Variants in ZDHHC5 observed in about 807,000 individuals in gnomAD.
ZDHHC5 encodes the protein zDHHC palmitoyltransferase 5, also known as palmitoyltransferase ZDHHC5.
ZDHHC5 carries 22 observed loss-of-function variants against 70.0 expected under a neutral mutation model. The observed-to-expected ratio is 0.31, with a 90% CI of 0.22 to 0.45. The LOEUF is 0.45. Among genes scored for constraint, ZDHHC5 ranks in the 20% least tolerant of loss-of-function variants. ZDHHC5 has a pLI of 1.00. For missense variants in ZDHHC5, 746 were observed against 926.9 expected, an observed-to-expected ratio of 0.80 and a Z score of 2.53; for synonymous variants, 313 against 347.8, an observed-to-expected ratio of 0.90 and a Z score of 1.11.
chr11:57,694,566 T>C lies in ZDHHC5; in HGVS notation c.885+651T>C, dbSNP rs545717255. ...CAGTAGAGGCAGGGTTTTCCTATGT[T>C]GGCTAGGCTGGTCTCAAACTCCTGA... On this transcript the variant is annotated intron_variant, in intron 8 of 11. Coordinates refer to ENST00000287169, the MANE Select transcript of ZDHHC5 (RefSeq NM_015457.3). Among the ~76,000 whole-genome samples the C allele has an allele frequency of 9.1e-4, 139 of 152,254 alleles. No individual in the cohort carries two copies. The Middle Eastern group carries it at 0.037, about 41-fold the overall frequency.
intron 3 of ZDHHC5, 140 bp from the exon 4 acceptor site, chr11:57,688,368 T>G: frequency 9.9e-7 from 1 of 1,007,586 alleles, no homozygotes; most frequent in Non-Finnish European, 1.3e-6. Flanking sequence ...CCTCACAGTC[T>G]TATAGTTCCT....
At chr11:57,689,717 A>G (rs1253322892) in intron 4 of ZDHHC5, among the ~76,000 whole-genome samples, 8 of 134,660 alleles carry the variant, frequency 5.9e-5, no homozygotes, top group Non-Finnish European at 9.3e-5. Context: ...GGGTCTTGCT[A>G]TGTTGCCCAG....
chr11:57,669,713 C>T (rs1010914978), intron 1 of ZDHHC5, among the ~76,000 whole-genome samples: 7 of 152,240 alleles, frequency 4.6e-5, no homozygotes, highest in African/African-American at 1.2e-4. Flanking sequence ...CCCGCCTCGG[C>T]CTCCCAAAGT....
chr11:57,690,148 C>T lies in ZDHHC5; in HGVS notation c.502C>T (p.Leu168Phe). 6.2e-7 allele frequency: 1 copy of T among 1,614,098 alleles called. No homozygotes were observed. The highest frequency in any genetic ancestry group is 1.7e-5 in the Admixed American group (1 of 59,984). ...AHIMGVFGFGLLYVLYHIEEL... is the reference protein window; with the variant it reads ...AHIMGVFGFGFLYVLYHIEEL... ...CATTATGGGTGTGTTTGGCTTTGGCCTCCTTTATGTCCTCTACCACATAGA... is the reference window on the plus strand; with the variant it reads ...CATTATGGGTGTGTTTGGCTTTGGCTTCCTTTATGTCCTCTACCACATAGA... The change falls in exon 5 of 12, where the codon CTC (leucine) becomes TTC (phenylalanine). Residue 168 changes from leucine to phenylalanine, a missense_variant. Around this residue, in one of 6 missense-constraint regions of ZDHHC5, gnomAD observed 114 missense variants for 179.3 expected, o/e 0.64. Transcript: ENST00000287169.
intron 4 of ZDHHC5, among the ~76,000 whole-genome samples, chr11:57,689,261 CTCTTT>C (rs954051183): frequency 6.6e-4 from 100 of 152,276 alleles, no homozygotes; most frequent in African/African-American, 2.1e-3. Context: ...CCTTCTAATC[CTCTTT>C]TCTTATGAAT....
rs1409252936 is a variant in ZDHHC5, at chr11:57,698,699, A to G, written c.1263A>G (p.Leu421=). 5 of 1,613,976 alleles carry G rather than the reference A, an allele frequency of 3.1e-6. No individual in the cohort carries two copies. The African/African-American group carries it at 4.0e-5, about 13-fold the overall frequency. The change falls in exon 11 of 12, where the codon CTA becomes CTG. Residue 421 remains leucine (L), a synonymous_variant. Coordinates refer to ENST00000287169, the MANE Select transcript of ZDHHC5 (RefSeq NM_015457.3). The stretch of plus-strand genomic sequence containing the variant: ...GCAAAAGTTTTCACTTCGATCCACT[A>G]TCCAGTGGCTCACGCTCCTCCAGCC... ...TFGKSFHFDP[L]SSGSRSSSLK...
At chr11:57,690,487 T>C (rs750694686) in intron 6 of ZDHHC5, 50 bp downstream of exon 6, 2 of 1,585,896 alleles carry the variant, frequency 1.3e-6, no homozygotes, top group Non-Finnish European at 1.7e-6. Context: ...CATGTCTCTT[T>C]AGCCTTCTGA....
chr11:57,684,688 T>C (rs183025879), intron 3 of ZDHHC5, among the ~76,000 whole-genome samples: 67 of 152,284 alleles, frequency 4.4e-4, no homozygotes, highest in Middle Eastern at 3.4e-3. Context: ...CTTTCTGGAA[T>C]AGGAGGGGAG....
chr11:57,671,567 C>CA (rs756363151), intron 1 of ZDHHC5, among the ~76,000 whole-genome samples: 1 of 152,320 alleles, frequency 6.6e-6, no homozygotes, highest in East Asian at 1.9e-4. Context: ...GCAAAAGAAA[C>CA]ACACAGAGAA....
Position 57,693,956 on chromosome 11 carries a change from C to G in ZDHHC5, c.885+41C>G, listed in dbSNP as rs184448965. 70 of 1,570,606 alleles carry G rather than the reference C, an allele frequency of 4.5e-5. No individual in the cohort carries two copies. In the East Asian group the frequency reaches 1.4e-3, roughly 32 times the overall value. On this transcript the variant is annotated intron_variant, in intron 8 of 11. Coordinates refer to ENST00000287169, the MANE Select transcript of ZDHHC5 (RefSeq NM_015457.3). ...AAGTCAAGCTAGATAACATGGAAGT[C>G]TCACCCAAGGCAAAGAGACGGAAGC...
chr11:57,675,822 T>G (rs533244823), intron 2 of ZDHHC5, among the ~76,000 whole-genome samples: 8 of 152,360 alleles, frequency 5.3e-5, no homozygotes, highest in Admixed American at 2.0e-4. Context: ...TCCTCTCATG[T>G]ATTTTACCTC....
chr11:57,696,232 A>T (rs1419856107), intron 9 of ZDHHC5, among the ~76,000 whole-genome samples, 189 bp downstream of exon 9: 1 of 152,228 alleles, frequency 6.6e-6, no homozygotes, highest in Non-Finnish European at 1.5e-5. Flanking sequence ...TTGGCAGTGA[A>T]TGGGACTTTT....
In ZDHHC5 at chr11:57,672,895, C is replaced by T. The variant is rs941095098; in HGVS notation, c.-196C>T. 3 of 539,204 alleles carry T rather than the reference C, an allele frequency of 5.6e-6. No homozygotes were observed. The highest frequency in any genetic ancestry group is 6.4e-5 in the East Asian group (2 of 31,138). The allele number at this position is 539,204 out of a possible 1,614,324, so 33.4% of individuals were successfully genotyped here. ...TCATTTGGAATCACCTTTCCCCCTC[C>T]CATGTGCTTTCCTTCATTTGAGATC... On this transcript the variant is annotated 5_prime_UTR_variant, in exon 2 of 12. Coordinates refer to ENST00000287169, the MANE Select transcript of ZDHHC5 (RefSeq NM_015457.3).
intron 4 of ZDHHC5, among the ~76,000 whole-genome samples, chr11:57,689,400 C>T (rs369538909): frequency 5.3e-5 from 8 of 151,764 alleles, no homozygotes; most frequent in East Asian, 3.9e-4. Flanking sequence ...TTTATCGAGA[C>T]GGAGTCTCGC....
At chr11:57,698,450 T>C (rs1946385429) in intron 10 of ZDHHC5, 109 bp from the exon 11 acceptor site, 1 of 1,433,662 alleles carries the variant, frequency 7.0e-7, no homozygotes, top group African/African-American at 1.4e-5. Flanking sequence ...GTAAGAGTTC[T>C]AAGCTTATTA....
chr11:57,689,306 C>T (rs927724537), intron 4 of ZDHHC5, among the ~76,000 whole-genome samples: 2 of 152,100 alleles, frequency 1.3e-5, no homozygotes, highest in Non-Finnish European at 1.5e-5. Context: ...CTCTGACATT[C>T]GTCACTTTTA....
At chr11:57,690,477 C>A in intron 6 of ZDHHC5, 40 bp downstream of exon 6, 1 of 1,599,720 alleles carries the variant, frequency 6.3e-7, no homozygotes, top group South Asian at 1.1e-5. Context: ...AAGAGCAGGT[C>A]ATGTCTCTTT....
At chr11:57,674,196 A>G (rs1455483571) in intron 2 of ZDHHC5, among the ~76,000 whole-genome samples, 1 of 152,158 alleles carries the variant, frequency 6.6e-6, no homozygotes, top group Admixed American at 6.5e-5. Context: ...AGCAGTTGGT[A>G]TGAAAAAATT....
intron 3 of ZDHHC5, among the ~76,000 whole-genome samples, chr11:57,686,247 G>C (rs914779952): frequency 1.3e-5 from 2 of 152,122 alleles, no homozygotes; most frequent in Non-Finnish European, 2.9e-5. Flanking sequence ...CAGCACTCCA[G>C]CCTGGGTGAT....
Sources: allele counts gnomAD v4.1 joint callset (sites outside exome capture counted in the v4.1 genomes callset), GRCh38; gene constraint gnomAD v4.1.1; regional missense constraint gnomAD v4.1.1; transcripts MANE v1.5; gene names NCBI Gene and HGNC (gene_info 2026-07-23, HGNC 2026-07-21).